Variants in MGST1 observed in about 807,000 individuals in gnomAD.
MGST1 encodes the protein microsomal glutathione S-transferase 1.
Under a neutral mutation model 8.9 loss-of-function variants are expected in MGST1, and 5 were observed. The observed-to-expected ratio is 0.56, with a 90% CI of 0.29 to 1.19. The LOEUF is 1.19. Among genes scored for constraint, MGST1 ranks in the 50% most tolerant of loss-of-function variants. MGST1 has a pLI of 0.08. For synonymous variants in MGST1, 54 were observed against 67.8 expected (o/e 0.80, Z 1.00); for missense variants, 182 against 187.4 (o/e 0.97, Z 0.17).
At chr12:16,422,154 T>C (rs1940843604) in intron 1 of MGST1, among the ~76,000 whole-genome samples, 2 of 152,212 alleles carry the variant, frequency 1.3e-5, no homozygotes, top group South Asian at 2.1e-4. Flanking sequence ...ACTGGTTAAC[T>C]CTATATCAGT....
intron 4 of MGST1, chr12:16,551,012 T>C: frequency 1.2e-5 from 6 of 483,148 alleles, no homozygotes; most frequent in Non-Finnish European, 2.2e-5. Flanking sequence ...ATATGTACAT[T>C]ACTTTTTTCT....
chr12:16,408,393 C>T (rs1940714363), intron 1 of MGST1, among the ~76,000 whole-genome samples: 7 of 152,126 alleles, frequency 4.6e-5, no homozygotes, highest in Admixed American at 4.6e-4. Context: ...TTTAAACTGT[C>T]TTTATCGCAT....
chr12:16,532,732 C>T (rs1246857520), intron 4 of MGST1, among the ~76,000 whole-genome samples: 2 of 152,090 alleles, frequency 1.3e-5, no homozygotes, highest in African/African-American at 4.8e-5. Flanking sequence ...AACATATTTT[C>T]CTTCTCTCCA....
intron 3 of MGST1, among the ~76,000 whole-genome samples, chr12:16,358,795 T>C (rs1437428597): frequency 6.9e-6 from 1 of 144,748 alleles, no homozygotes; most frequent in East Asian, 2.0e-4. Context: ...TTTTTTTTTT[T>C]TTTTTTTTTT....
At chr12:16,507,343 A>C (rs12810905) in intron 4 of MGST1, among the ~76,000 whole-genome samples, 40,958 of 152,024 alleles carry the variant, frequency 0.27, 7,237 homozygotes, top group Non-Finnish European at 0.38. Context: ...GAGGCTTTGA[A>C]TGTCTTGCTG....
intron 4 of MGST1, among the ~76,000 whole-genome samples, chr12:16,530,187 C>A (rs1409725126): frequency 6.6e-6 from 1 of 151,996 alleles, no homozygotes; most frequent in Admixed American, 6.6e-5. Flanking sequence ...TGTTTTTATA[C>A]TTCATCTAAT....
intron 4 of MGST1, chr12:16,514,372 A>G (rs543620049): frequency 1.0e-5 from 3 of 292,238 alleles, no homozygotes; most frequent in Non-Finnish European, 2.0e-5. Flanking sequence ...ACCATTCTGA[A>G]TGCTCCAGAT....
intron 4 of MGST1, among the ~76,000 whole-genome samples, chr12:16,574,621 TCA>T (rs1234575664): frequency 6.6e-6 from 1 of 152,208 alleles, no homozygotes; most frequent in Admixed American, 6.5e-5. Flanking sequence ...ATTTTAAATC[TCA>T]GTTTTCTTAC....
rs924989098 is a variant in MGST1 at position 16,458,233 on chromosome 12, G to A, written n.482+74629G>A. ...TCATCACCTGCCTCCAAAATAATAT[G>A]AATGGACCCAAACTAAATGACCACT... is the stretch of plus-strand genomic sequence containing the variant. On this transcript the variant is annotated intron_variant and non_coding_transcript_variant, in intron 4 of 4. Coordinates refer to the MGST1 transcript ENST00000538857. This position sits in a 1 kb window ranked among gnomAD's most constrained non-coding sequence, Gnocchi z 4.0. Among the ~76,000 whole-genome samples, 3 of 152,134 alleles carry A rather than the reference G, an allele frequency of 2.0e-5. No homozygotes were observed. The South Asian group carries it at 6.2e-4, about 31-fold the overall frequency.
At position 16,500,228 on chromosome 12, in the gene MGST1, ATAAT is replaced by A. The variant is rs1038355949; in HGVS notation, n.483-89296_483-89293del. On this transcript the variant is annotated intron_variant and non_coding_transcript_variant, in intron 4 of 4. Transcript: ENST00000538857. The surrounding 1 kb of genome is among the most constrained non-coding windows in gnomAD (Gnocchi z 4.3). ...TAGCAGGTGCCTTTGTTTAAAGAAA[ATAAT>A]TAAAGGTTATGCCATTAAAAAATGT... Among the ~76,000 whole-genome samples the A allele has an allele frequency of 5.3e-5, 8 of 152,168 alleles. No individual in the cohort carries two copies. Among genetic ancestry groups the A allele is most frequent in the African/African-American group, 1.9e-4 (8 of 41,430 alleles).
rs1304829223 is a variant in MGST1 at position 16,388,707 on chromosome 12, A to G, written n.778+5103A>G. ...ATTTATTTTGTGACACACTGGAAAC[A>G]CTTAGTGGAACCCTTCAAGCGACAC... On this transcript the variant is annotated intron_variant and non_coding_transcript_variant, in intron 1 of 1. Transcript: ENST00000359720. 3.9e-5 allele frequency among the ~76,000 whole-genome samples: 6 copies of G among 152,100 alleles called. 1 individual carries two copies. The highest frequency in any genetic ancestry group is 3.3e-4 in the Admixed American group (5 of 15,286).
chr12:16,364,014 G>A lies in MGST1; in HGVS notation c.441G>A (p.Arg147=). The change falls in exon 4 of 4, where the codon AGG becomes AGA. Residue 147 remains arginine (R), a synonymous_variant. Coordinates refer to ENST00000396210, the MANE Select transcript of MGST1 (RefSeq NM_020300.5). The surrounding 1 kb of genome is among the most constrained non-coding windows in gnomAD (Gnocchi z 5.7). ...GYGVTLSMAY[R]LLKSKLYL is the part of the protein sequence containing the mutation. ...GAGTTACTCTTTCCATGGCTTACAGGTTGCTGAAAAGTAAATTGTACCTGT... is the reference window on the plus strand; with the variant it reads ...GAGTTACTCTTTCCATGGCTTACAGATTGCTGAAAAGTAAATTGTACCTGT... 1 of 1,610,910 alleles carries A rather than the reference G, an allele frequency of 6.2e-7. No homozygotes were observed. The highest frequency in any genetic ancestry group is 8.5e-7 in the Non-Finnish European group (1 of 1,178,062).
chr12:16,501,740 A>G (rs970829110), intron 4 of MGST1, among the ~76,000 whole-genome samples: 1 of 152,204 alleles, frequency 6.6e-6, no homozygotes, highest in Non-Finnish European at 1.5e-5. Flanking sequence ...CCTAATAACT[A>G]TGCAGTTCTA....
intron 1 of MGST1, among the ~76,000 whole-genome samples, chr12:16,351,021 A>G (rs1939438319): frequency 6.6e-6 from 1 of 151,994 alleles, no homozygotes; most frequent in South Asian, 2.1e-4. Flanking sequence ...TACTCTTTCA[A>G]TACTGATTTT....
chr12:16,444,039 C>T (rs1340640129), intron 4 of MGST1, among the ~76,000 whole-genome samples: 4 of 151,818 alleles, frequency 2.6e-5, no homozygotes, highest in Non-Finnish European at 4.4e-5. Flanking sequence ...AGTCAGATAG[C>T]GTAGCCAGAT....
At chr12:16,486,005 G>A (rs1416957807) in intron 4 of MGST1, among the ~76,000 whole-genome samples, 2 of 152,134 alleles carry the variant, frequency 1.3e-5, no homozygotes, top group East Asian at 3.9e-4. Context: ...GCCAAGCACT[G>A]CTCTTACCTT....
downstream of MGST1, among the ~76,000 whole-genome samples, chr12:16,591,016 A>G (rs921018971): frequency 3.9e-5 from 6 of 152,084 alleles, no homozygotes; most frequent in African/African-American, 9.7e-5. This position sits in a 1 kb window ranked among gnomAD's most constrained non-coding sequence, Gnocchi z 4.1. Flanking sequence ...ATCCCAAATG[A>G]AATTGATTTC....
chr12:16,437,569 A>C (rs1315498248), exon 2 of MGST1: 1 of 152,076 alleles, frequency 6.6e-6, no homozygotes, highest in Admixed American at 6.6e-5. Context: ...CCCGAGGAAA[A>C]CAGCTTCCTC....
chr12:16,452,444 C>T (rs1409190370), intron 4 of MGST1, among the ~76,000 whole-genome samples: 2 of 151,508 alleles, frequency 1.3e-5, no homozygotes, highest in Admixed American at 6.6e-5. Context: ...TCATGATCAC[C>T]CTATCCACCA....
Sources: gnomAD v4.1 joint callset for allele counts (sites outside exome capture counted in the v4.1 genomes callset) on GRCh38, gnomAD v4.1.1 for gene constraint, Gnocchi (gnomAD v3.1) non-coding constraint, MANE v1.5 for transcripts, NCBI Gene and HGNC (gene_info 2026-07-23, HGNC 2026-07-21) for gene names.